APOBEC3A: variants seen among roughly 807,000 people sequenced by gnomAD.
APOBEC3A encodes the protein DNA dC->dU-editing enzyme APOBEC-3A.
Under a neutral mutation model 23.0 loss-of-function variants are expected in APOBEC3A, and 13 were observed. The observed-to-expected ratio is 0.57, with a 90% CI of 0.37 to 0.90. The LOEUF (loss-of-function observed/expected upper bound fraction) is 0.90. Ranked by LOEUF, APOBEC3A falls within the 40% of genes least tolerant of loss-of-function variation. The probability of loss-of-function intolerance (pLI) is 0.01; values close to 1 mark genes in which losing one functional copy is unlikely to be tolerated. For missense variants in APOBEC3A, 179 were observed against 264.9 expected (o/e 0.68, Z 2.25); for synonymous variants, 74 against 101.3 (o/e 0.73, Z 1.62).
chr22:38,962,470 C>G, intron 4 of APOBEC3A, 25 bp from the exon 5 acceptor site: 1 of 1,598,678 alleles, frequency 6.3e-7, no homozygotes, highest in Non-Finnish European at 8.5e-7. Flanking sequence ...ACCTCCTGCT[C>G]CATTCAACCC....
chr22:38,958,055 A>C (rs531942085), intron 1 of APOBEC3A, among the ~76,000 whole-genome samples: 1 of 152,344 alleles, frequency 6.6e-6, no homozygotes, highest in East Asian at 1.9e-4. Flanking sequence ...TATTTCTTGC[A>C]AATGTTCCAT....
rs1484542086 is a variant in APOBEC3A, at chr22:38,959,703, T to C, written c.174+17T>C. 1 of 1,611,046 alleles carries C rather than the reference T, an allele frequency of 6.2e-7. No individual in the cohort carries two copies. The highest frequency in any genetic ancestry group is 8.5e-7 in the Non-Finnish European group (1 of 1,178,264). ...CACAACCAGGTGACCGACCCAGCCA[T>C]CCGAATCCGGGCAGGGCCCTTCCAA... is the stretch of plus-strand genomic sequence containing the variant. On this transcript the variant is annotated intron_variant, in intron 2 of 4. Transcript: ENST00000249116.
chr22:38,962,851 T>A lies in APOBEC3A; in HGVS notation c.*342T>A. The A allele has an allele frequency of 2.4e-6, 1 of 413,552 alleles. No individual in the cohort carries two copies. The highest frequency in any genetic ancestry group is 4.2e-6 in the Non-Finnish European group (1 of 237,012). The allele number at this position is 413,552 out of a possible 1,614,324, so 25.6% of individuals were successfully genotyped here. ...CGGGCGCCTGTAGTCCCAGCTACTC[T>A]GGAGGCTGAGGCAGGAGAGTAGCGT... On this transcript the variant is annotated 3_prime_UTR_variant, in exon 5 of 5. Transcript: ENST00000249116.
chr22:38,957,699 C>T lies in APOBEC3A; in HGVS notation c.8C>T (p.Ala3Val), dbSNP rs766650526. 6 of 1,612,802 alleles carry T rather than the reference C, an allele frequency of 3.7e-6. No homozygotes were observed. The highest frequency in any genetic ancestry group is 4.2e-6 in the Non-Finnish European group (5 of 1,179,442). Residue 3 changes from alanine to valine, a missense_variant, in exon 1 of 5, where the codon GCC (alanine) becomes GTC (valine). Around this residue, in one of 5 missense-constraint regions of APOBEC3A, gnomAD observed 87 missense variants for 74.5 expected, o/e 1.17. Transcript: ENST00000249116. Reference protein sequence around the residue: MEASPASGPRHLM... With the variant: MEVSPASGPRHLM... ...CCGAGAAGGGACAAGCACATGGAAG[C>T]CAGCCCAGCATCCGGGCCCAGGTAT...
chr22:38,962,053 G>C (rs1390040147), intron 3 of APOBEC3A, 45 bp from the exon 4 acceptor site: 1 of 1,580,488 alleles, frequency 6.3e-7, no homozygotes, highest in Non-Finnish European at 8.6e-7. Flanking sequence ...GTGCCACCCC[G>C]ATCCCACAGC....
At position 38,962,737 on chromosome 22, in the gene APOBEC3A, T is replaced by C; in HGVS notation, c.*228T>C. The C allele has an allele frequency of 8.9e-7, 1 of 1,121,490 alleles. No homozygotes were observed. The highest frequency in any genetic ancestry group is 1.7e-5 in the South Asian group (1 of 60,284). 69.5% of individuals were successfully genotyped at this position (1,121,490 alleles called of 1,614,324 possible). On this transcript the variant is annotated 3_prime_UTR_variant, in exon 5 of 5. Coordinates refer to ENST00000249116, the MANE Select transcript of APOBEC3A (RefSeq NM_145699.4). ...CACTTTGGAGGCCAAGGCGGGTGGATCACGAGGTCAGGAGATCGAGACCAT... is the reference window on the plus strand; with the variant it reads ...CACTTTGGAGGCCAAGGCGGGTGGACCACGAGGTCAGGAGATCGAGACCAT...
chr22:38,958,701 T>C (rs1922711979), intron 1 of APOBEC3A, among the ~76,000 whole-genome samples: 1 of 149,952 alleles, frequency 6.7e-6, no homozygotes. Context: ...TTTTCTTTCT[T>C]TCTTTCCTTC....
intron 4 of APOBEC3A, 93 bp from the exon 5 acceptor site, chr22:38,962,402 T>A: frequency 1.3e-6 from 2 of 1,557,612 alleles, no homozygotes; most frequent in Admixed American, 2.0e-5. Context: ...CCCTCCCTCC[T>A]CTCCCGTCAT....
intron 1 of APOBEC3A, 144 bp from the exon 2 acceptor site, chr22:38,959,398 G>T: frequency 2.2e-6 from 2 of 922,292 alleles, no homozygotes; most frequent in East Asian, 2.5e-5. Context: ...GGGTCAGAGG[G>T]GGAGGTTTGG....
intron 1 of APOBEC3A, among the ~76,000 whole-genome samples, chr22:38,959,060 A>C (rs1569027556): frequency 6.6e-6 from 1 of 152,078 alleles, no homozygotes; most frequent in Non-Finnish European, 1.5e-5. Flanking sequence ...GGAAAATCCT[A>C]TGAATTACCC....
chr22:38,958,404 T>C (rs1322721687), intron 1 of APOBEC3A, among the ~76,000 whole-genome samples: 4 of 151,004 alleles, frequency 2.6e-5, no homozygotes, highest in Admixed American at 6.6e-5. Context: ...CCTCCCTCCT[T>C]CCTTCCCTTC....
Position 38,962,331 on chromosome 22 carries a change from C to G in APOBEC3A, c.585+118C>G, listed in dbSNP as rs993958326. 19 of 1,569,608 alleles carry G rather than the reference C, an allele frequency of 1.2e-5. No individual in the cohort carries two copies. The African/African-American group carries it at 2.5e-4, about 20-fold the overall frequency. ...TCTGGGTTCCCTGCTCCCCACAGGGCGCCCAGCTCCGTCCCTCCCTTTCCT... is the reference window on the plus strand; with the variant it reads ...TCTGGGTTCCCTGCTCCCCACAGGGGGCCCAGCTCCGTCCCTCCCTTTCCT... On this transcript the variant is annotated intron_variant, in intron 4 of 4. Coordinates refer to ENST00000249116, the MANE Select transcript of APOBEC3A (RefSeq NM_145699.4).
chr22:38,961,867 T>A (rs1384304230), intron 3 of APOBEC3A, among the ~76,000 whole-genome samples, 186 bp downstream of exon 3: 1 of 150,268 alleles, frequency 6.7e-6, no homozygotes, highest in African/African-American at 2.5e-5. Flanking sequence ...GCAGGGAGAG[T>A]GGCTGGAAGT....
intron 1 of APOBEC3A, among the ~76,000 whole-genome samples, chr22:38,958,518 CT>C (rs1569027027): frequency 8.3e-6 from 1 of 121,182 alleles, no homozygotes; most frequent in Non-Finnish European, 1.7e-5. Context: ...TCATTCTTTC[CT>C]TCTTTCTTTC....
Position 38,962,909 on chromosome 22 carries a change from G to A in APOBEC3A, c.*400G>A. 1 of 294,772 alleles carries A rather than the reference G, an allele frequency of 3.4e-6. No individual in the cohort carries two copies. Among genetic ancestry groups the A allele is most frequent in the Non-Finnish European group, 6.3e-6 (1 of 158,964 alleles). The allele number at this position is 294,772 out of a possible 1,614,324, so 18.3% of individuals were successfully genotyped here. The stretch of plus-strand genomic sequence containing the variant: ...GGAGGCAGAGCTTGCGGTGAGCCGA[G>A]ATTGCGCTACTGCACTCCAGCCTGG... On this transcript the variant is annotated 3_prime_UTR_variant, in exon 5 of 5. Coordinates refer to ENST00000249116, the MANE Select transcript of APOBEC3A (RefSeq NM_145699.4).
At position 38,962,630 on chromosome 22, in the gene APOBEC3A, G is replaced by C; in HGVS notation, c.*121G>C. Reference sequence around the variant, plus strand: ...CATCTCCAGCTGCTCACAGACGCCAGCAAAGCAGTATGCTCCCGATCAAGT... The same window carrying C: ...CATCTCCAGCTGCTCACAGACGCCACCAAAGCAGTATGCTCCCGATCAAGT... On this transcript the variant is annotated 3_prime_UTR_variant, in exon 5 of 5. Transcript: ENST00000249116. 1 of 1,583,656 alleles carries C rather than the reference G, an allele frequency of 6.3e-7. No individual in the cohort carries two copies.
In APOBEC3A at chr22:38,962,855, G is replaced by A; in HGVS notation, c.*346G>A. The A allele has an allele frequency of 2.5e-6, 1 of 408,020 alleles. No homozygotes were observed. The highest frequency in any genetic ancestry group is 2.5e-5 in the South Asian group (1 of 40,788). The allele number at this position is 408,020 out of a possible 1,614,324, so 25.3% of individuals were successfully genotyped here. On this transcript the variant is annotated 3_prime_UTR_variant, in exon 5 of 5. Transcript: ENST00000249116. Reference sequence around the variant, plus strand: ...CGCCTGTAGTCCCAGCTACTCTGGAGGCTGAGGCAGGAGAGTAGCGTGAAC... The same window carrying A: ...CGCCTGTAGTCCCAGCTACTCTGGAAGCTGAGGCAGGAGAGTAGCGTGAAC...
chr22:38,960,801 A>G (rs1458390537), intron 2 of APOBEC3A, among the ~76,000 whole-genome samples: 2 of 152,030 alleles, frequency 1.3e-5, no homozygotes, highest in South Asian at 4.1e-4. Context: ...AGGGGAGTTG[A>G]TGAGTAGAGC....
At chr22:38,957,791 T>C in intron 1 of APOBEC3A, 71 bp downstream of exon 1, 1 of 1,561,078 alleles carries the variant, frequency 6.4e-7, no homozygotes, top group Non-Finnish European at 8.7e-7. Flanking sequence ...AGCACTCACC[T>C]CTCACCCTCA....
Sources: allele counts gnomAD v4.1 joint callset (sites outside exome capture counted in the v4.1 genomes callset), GRCh38; gene constraint gnomAD v4.1.1; regional missense constraint gnomAD v4.1.1; transcripts MANE v1.5; gene names NCBI Gene and HGNC (gene_info 2026-07-23, HGNC 2026-07-21).